XIRP2: variants seen among roughly 807,000 people sequenced by gnomAD.
The protein encoded by XIRP2 is xin actin-binding repeat-containing protein 2.
A neutral mutation model predicts 277.0 loss-of-function variants in XIRP2; 236 were observed. The ratio of observed to expected loss-of-function variants is 0.85; its 90% CI spans 0.77 to 0.95. The LOEUF is 0.95. Among genes scored for constraint, XIRP2 ranks in the 40% least tolerant of loss-of-function variants. XIRP2 has a pLI of 0.00. For missense variants in XIRP2, 4,640 were observed against 4,157.5 expected (o/e 1.12, Z -3.19); for synonymous variants, 1,490 against 1,416.5 (o/e 1.05, Z -1.17).
chr2:166,890,282 C>A (rs1307991981), intron 1 of XIRP2, among the ~76,000 whole-genome samples: 1 of 152,056 alleles, frequency 6.6e-6, no homozygotes, highest in East Asian at 1.9e-4. Context: ...CATGAGCCAC[C>A]GTGCCTGGCC....
intron 2 of XIRP2, among the ~76,000 whole-genome samples, chr2:167,104,552 T>G (rs892431905): frequency 6.6e-6 from 1 of 152,136 alleles, no homozygotes; most frequent in Non-Finnish European, 1.5e-5. Flanking sequence ...TGGTATGAAC[T>G]TAGTGGCATT....
chr2:167,142,444 A>G (rs535417128), intron 3 of XIRP2, among the ~76,000 whole-genome samples: 1 of 152,178 alleles, frequency 6.6e-6, no homozygotes, highest in East Asian at 1.9e-4. Flanking sequence ...GCTACTCGGG[A>G]GGCTGAGGCA....
chr2:167,090,292 A>G (rs1274528735), intron 2 of XIRP2, among the ~76,000 whole-genome samples: 3 of 152,042 alleles, frequency 2.0e-5, no homozygotes, highest in Non-Finnish European at 4.4e-5. Flanking sequence ...CCCACTCACA[A>G]CTGATACGTG....
chr2:167,046,348 G>T (rs778899941), intron 2 of XIRP2, among the ~76,000 whole-genome samples: 1 of 151,932 alleles, frequency 6.6e-6, no homozygotes, highest in Non-Finnish European at 1.5e-5. Context: ...ATTTGTCATA[G>T]ATGGCTGTTA....
chr2:167,246,796 A>G lies in XIRP2; in HGVS notation c.5404A>G (p.Thr1802Ala). 6.2e-7 allele frequency: 1 copy of G among 1,613,886 alleles called. No individual in the cohort carries two copies. Among genetic ancestry groups the G allele is most frequent in the Non-Finnish European group, 8.5e-7 (1 of 1,179,832 alleles). Residue 1802 changes from threonine (T) to alanine (A), a missense_variant, in exon 9 of 11, where the codon ACT (threonine) becomes GCT (alanine). Coordinates refer to ENST00000409195, the MANE Select transcript of XIRP2 (RefSeq NM_152381.6). Reference sequence around the variant, plus strand: ...GAAAAGGCAGTCTCTGGTTGAACGTACTGTTAGTGAAACTGACATCATCCC... The same window carrying G: ...GAAAAGGCAGTCTCTGGTTGAACGTGCTGTTAGTGAAACTGACATCATCCC... ...LKKRQSLVER[T>A]VSETDIIPGD... is the part of the protein sequence containing the mutation.
At position 166,964,708 on chromosome 2, in the gene XIRP2, A is replaced by G. The variant is rs145967473; in HGVS notation, c.408+60818A>G. 7.5e-3 allele frequency among the ~76,000 whole-genome samples: 1,144 copies of G among 152,016 alleles called. 11 individuals are homozygous for G. Among genetic ancestry groups the G allele is most frequent in the Non-Finnish European group, 9.4e-3 (639 of 67,884 alleles). Reference sequence around the variant, plus strand: ...TTACCTCGAATTTTGTTGTATTTGTATATAAATTTAGCCTCCATATACATT... The same window carrying G: ...TTACCTCGAATTTTGTTGTATTTGTGTATAAATTTAGCCTCCATATACATT... On this transcript the variant is annotated intron_variant, in intron 2 of 10. Transcript: ENST00000409195.
intron 2 of XIRP2, among the ~76,000 whole-genome samples, chr2:167,134,441 A>G (rs953596266): frequency 1.3e-5 from 2 of 152,034 alleles, no homozygotes; most frequent in African/African-American, 4.8e-5. Context: ...TAGAAAATGT[A>G]TCTACTCTAA....
chr2:167,093,303 CA>C (rs1690202750), intron 2 of XIRP2, among the ~76,000 whole-genome samples: 1 of 151,258 alleles, frequency 6.6e-6, no homozygotes, highest in Admixed American at 6.6e-5. Flanking sequence ...TACAGATGTA[CA>C]TAAGTTTGTG....
At chr2:167,097,619 C>G (rs1467809709) in intron 2 of XIRP2, among the ~76,000 whole-genome samples, 1 of 151,976 alleles carries the variant, frequency 6.6e-6, no homozygotes, top group East Asian at 1.9e-4. Context: ...GTTATTTTGC[C>G]CATTAGTTGA....
intron 2 of XIRP2, among the ~76,000 whole-genome samples, chr2:166,998,645 A>G (rs2105452121): frequency 6.6e-6 from 1 of 152,314 alleles, no homozygotes; most frequent in East Asian, 1.9e-4. Flanking sequence ...TCAAAAAAAC[A>G]AAACAAAATG....
chr2:167,068,977 T>C (rs944233654), intron 2 of XIRP2, among the ~76,000 whole-genome samples: 2 of 152,196 alleles, frequency 1.3e-5, no homozygotes, highest in African/African-American at 4.8e-5. Context: ...TCTTCTATTA[T>C]AGAGGATTTG....
chr2:167,115,452 T>C (rs1221149643), intron 2 of XIRP2, among the ~76,000 whole-genome samples: 2 of 152,166 alleles, frequency 1.3e-5, no homozygotes, highest in Non-Finnish European at 2.9e-5. Context: ...CCAGAGTCCT[T>C]GTGCTTTCTT....
In XIRP2 at chr2:167,011,588, A is replaced by C. The variant is rs200092517; in HGVS notation, c.408+107698A>C. The stretch of plus-strand genomic sequence containing the variant: ...GTATCAGGATGATGCTGGCCTCATA[A>C]CATGAGTTAGGGAGGATTCCCTCTT... On this transcript the variant is annotated intron_variant, in intron 2 of 10. Coordinates refer to ENST00000409195, the MANE Select transcript of XIRP2 (RefSeq NM_152381.6). Among the ~76,000 whole-genome samples the C allele has an allele frequency of 1.3e-3, 203 of 152,174 alleles. No homozygotes were observed. The East Asian group carries it at 0.019, about 14-fold the overall frequency.
rs183531822 is a variant in XIRP2 at position 167,118,215 on chromosome 2, C to T, written c.409-17694C>T. Reference sequence around the variant, plus strand: ...GCTTGATGGTCTGGGTGCAGTGGCTCACGCCTGTAATCCCTGCACTTTGCG... The same window carrying T: ...GCTTGATGGTCTGGGTGCAGTGGCTTACGCCTGTAATCCCTGCACTTTGCG... On this transcript the variant is annotated intron_variant, in intron 2 of 10. Transcript: ENST00000409195. 6.0e-3 allele frequency among the ~76,000 whole-genome samples: 913 copies of T among 152,220 alleles called. 2 individuals are homozygous for T. The highest frequency in any genetic ancestry group is 0.017 in the South Asian group (81 of 4,830).
chr2:167,063,699 C>T (rs1024892676), intron 2 of XIRP2, among the ~76,000 whole-genome samples: 9 of 151,618 alleles, frequency 5.9e-5, no homozygotes, highest in Non-Finnish European at 1.2e-4. Context: ...CTTAGTAATA[C>T]TTTGTTTTAA....
chr2:166,940,042 T>C (rs1685658769), intron 2 of XIRP2, among the ~76,000 whole-genome samples: 1 of 152,220 alleles, frequency 6.6e-6, no homozygotes, highest in African/African-American at 2.4e-5. Flanking sequence ...TGCAGAGTGT[T>C]TTCCAACTTG....
chr2:167,220,913 T>C (rs1386364938), intron 5 of XIRP2, among the ~76,000 whole-genome samples: 1 of 152,176 alleles, frequency 6.6e-6, no homozygotes, highest in Non-Finnish European at 1.5e-5. Flanking sequence ...TCTGCGAATG[T>C]GTATGAAAGT....
chr2:167,043,293 C>T (rs1036750495), intron 2 of XIRP2, among the ~76,000 whole-genome samples: 9 of 151,800 alleles, frequency 5.9e-5, no homozygotes, highest in African/African-American at 2.2e-4. Context: ...CAAGAGCAAA[C>T]CATCTCAAAG....
In XIRP2 at chr2:167,249,279, C is replaced by T; in HGVS notation, c.7887C>T (p.Leu2629=). The T allele has an allele frequency of 6.2e-7, 1 of 1,613,852 alleles. No homozygotes were observed. The highest frequency in any genetic ancestry group is 2.2e-5 in the East Asian group (1 of 44,836). ...RILGVCSDNQ[L]STTSPETVAA... is the part of the protein sequence containing the mutation. The stretch of plus-strand genomic sequence containing the variant: ...TAGGAGTGTGTTCTGATAACCAACT[C>T]TCCACAACATCGCCAGAAACAGTCG... The change falls in exon 9 of 11, where the codon CTC becomes CTT. Residue 2629 remains leucine, a synonymous_variant. Transcript: ENST00000409195.
Sources: allele counts gnomAD v4.1 joint callset (sites outside exome capture counted in the v4.1 genomes callset), GRCh38; gene constraint gnomAD v4.1.1; transcripts MANE v1.5; gene names NCBI Gene and HGNC (gene_info 2026-07-23, HGNC 2026-07-21).